Variants in GOSR1 observed in about 807,000 individuals in gnomAD.
GOSR1 encodes golgi SNAP receptor complex member 1, also known as 28 kDa Golgi SNARE protein.
In GOSR1, 21 loss-of-function variants were observed where a neutral mutation model predicts 35.5. The ratio of observed to expected loss-of-function variants is 0.59; its 90% CI spans 0.42 to 0.85. GOSR1 has a LOEUF of 0.85. Ranked by LOEUF, GOSR1 falls within the 40% of genes least tolerant of loss-of-function variation. The pLI, the probability that GOSR1 is intolerant of heterozygous loss-of-function variation, is 0.00. For missense variants in GOSR1, 285 were observed against 309.6 expected, an observed-to-expected ratio of 0.92 and a Z score of 0.60; for synonymous variants, 94 against 106.6, an observed-to-expected ratio of 0.88 and a Z score of 0.73.
chr17:30,480,388 A>G (rs1914257315), intron 1 of GOSR1, among the ~76,000 whole-genome samples: 1 of 152,226 alleles, frequency 6.6e-6, no homozygotes, highest in South Asian at 2.1e-4. Flanking sequence ...GCTTTGGAAC[A>G]TAAAAAGCAA....
At chr17:30,484,936 C>T (rs1448999715) in intron 4 of GOSR1, 166 bp downstream of exon 4, 1 of 651,106 alleles carries the variant, frequency 1.5e-6, no homozygotes, top group East Asian at 2.9e-5. Flanking sequence ...TTTGGGGTCA[C>T]CATTATAAAA....
At chr17:30,492,448 G>A (rs554907396) in intron 5 of GOSR1, among the ~76,000 whole-genome samples, 2 of 152,328 alleles carry the variant, frequency 1.3e-5, no homozygotes, top group African/African-American at 4.8e-5. Flanking sequence ...AGTTATTTTG[G>A]TGAAAAACAG....
Position 30,484,842 on chromosome 17 carries a change from G to A in GOSR1, c.342+72G>A, listed in dbSNP as rs748522148. ...TTTTTTTTTTTTTAATCCCTGCATTGGATATGTGCACATATATTTAAAAGG... is the reference window on the plus strand; with the variant it reads ...TTTTTTTTTTTTTAATCCCTGCATTAGATATGTGCACATATATTTAAAAGG... On this transcript the variant is annotated intron_variant, in intron 4 of 8. Coordinates refer to ENST00000451249, the MANE Select transcript of GOSR1 (RefSeq NM_001007025.2). 40 of 788,154 alleles carry A rather than the reference G, an allele frequency of 5.1e-5. No homozygotes were observed. The East Asian group carries it at 9.8e-4, about 19-fold the overall frequency. 48.8% of individuals were successfully genotyped at this position (788,154 alleles called of 1,614,324 possible). A position where few individuals can be genotyped will look rare whatever the true frequency, so the allele number is the denominator to read the frequency against.
At chr17:30,508,754 C>T (rs1439819552) in intron 6 of GOSR1, among the ~76,000 whole-genome samples, 1 of 152,094 alleles carries the variant, frequency 6.6e-6, no homozygotes, top group Non-Finnish European at 1.5e-5. Context: ...TTACTGTGTG[C>T]CAGGTACTGA....
intron 5 of GOSR1, chr17:30,490,489 G>A (rs1401142007): frequency 7.8e-6 from 2 of 258,060 alleles, no homozygotes; most frequent in East Asian, 7.9e-5. Flanking sequence ...GGTTCTTCAT[G>A]GTTCTCTGAT....
Position 30,492,697 on chromosome 17 carries a change from TGGAG to T in GOSR1, c.454_457del (p.Gly152Ter). On this transcript the variant is annotated frameshift_variant, in exon 6 of 9. Transcript: ENST00000451249. LOFTEE classifies it high-confidence loss of function. ...GTCCCAGGTCATATAAAAGTGGGTC[TGGAG>T]TAAACAACAGAAGAACTGAGCTATT... 6.3e-7 allele frequency: 1 copy of T among 1,598,826 alleles called. No homozygotes were observed. The highest frequency in any genetic ancestry group is 8.6e-7 in the Non-Finnish European group (1 of 1,166,966).
Position 30,484,218 on chromosome 17 carries a change from G to C in GOSR1, c.151G>C (p.Asp51His). The C allele has an allele frequency of 1.3e-6, 2 of 1,578,364 alleles. No individual in the cohort carries two copies. Among genetic ancestry groups the C allele is most frequent in the South Asian group, 2.2e-5 (2 of 90,298 alleles). The change falls in exon 3 of 9, where the codon GAT becomes CAT. Residue 51 changes from aspartate to histidine, a missense_variant. Asp to His is a moderately conservative substitution (Grantham distance 81). Transcript: ENST00000451249. ...STRDGRRDSS[D>H]TTPLLNGSSQ... ...TTTAACTGAACTTCTTTTTAGTTCT[G>C]ATACAACACCCCTTTTAAATGGATC... is the stretch of plus-strand genomic sequence containing the variant.
intron 6 of GOSR1, 75 bp downstream of exon 6, chr17:30,492,828 A>C (rs1435351637): frequency 1.1e-6 from 1 of 869,600 alleles, no homozygotes; most frequent in African/African-American, 1.7e-5. Context: ...CCAACATTTT[A>C]TGATGTTTAT....
At chr17:30,483,802 A>G (rs112466768) in intron 2 of GOSR1, among the ~76,000 whole-genome samples, 11 of 152,370 alleles carry the variant, frequency 7.2e-5, no homozygotes, top group African/African-American at 2.4e-4. Context: ...ATTTTTGACT[A>G]TTCAGATTTG....
chr17:30,494,370 A>C (rs1966912717), intron 6 of GOSR1, among the ~76,000 whole-genome samples: 1 of 152,258 alleles, frequency 6.6e-6, no homozygotes, highest in South Asian at 2.1e-4. Flanking sequence ...TCTTTCCCTG[A>C]GTCTGTCAGT....
chr17:30,511,260 C>T (rs1333821554), intron 7 of GOSR1, among the ~76,000 whole-genome samples: 5 of 152,172 alleles, frequency 3.3e-5, no homozygotes, highest in Non-Finnish European at 7.4e-5. Flanking sequence ...TTCATATAGA[C>T]TTTGCTGTTA....
At chr17:30,491,385 G>A (rs1200491179) in intron 5 of GOSR1, among the ~76,000 whole-genome samples, 4 of 152,214 alleles carry the variant, frequency 2.6e-5, no homozygotes, top group Admixed American at 6.5e-5. Flanking sequence ...CCGGCCAGGC[G>A]TGGTGGCTCC....
chr17:30,524,559 G>A lies in GOSR1; in HGVS notation c.*2181G>A, dbSNP rs771355378. The A allele has an allele frequency of 1.3e-5, 2 of 151,290 alleles. No individual in the cohort carries two copies. Among genetic ancestry groups the A allele is most frequent in the Non-Finnish European group, 1.5e-5 (1 of 67,870 alleles). The allele number at this position is 151,290 out of a possible 1,614,324, so 9.4% of individuals were successfully genotyped here. A position where few individuals can be genotyped will look rare whatever the true frequency, so the allele number is the denominator to read the frequency against. Reference sequence around the variant, plus strand: ...CCATTTTTTTTTTAATTCTTCCCTTGGATTAATATTTTCTACTGAAAAGAA... The same window carrying A: ...CCATTTTTTTTTTAATTCTTCCCTTAGATTAATATTTTCTACTGAAAAGAA... On this transcript the variant is annotated 3_prime_UTR_variant, in exon 9 of 9. Coordinates refer to ENST00000451249, the MANE Select transcript of GOSR1 (RefSeq NM_001007025.2).
chr17:30,487,938 G>A (rs910395346), intron 4 of GOSR1, among the ~76,000 whole-genome samples: 1 of 151,912 alleles, frequency 6.6e-6, no homozygotes, highest in African/African-American at 2.4e-5. Flanking sequence ...ACCACGCCCA[G>A]CTAATTTTTG....
chr17:30,521,863 G>A (rs1051013634), intron 8 of GOSR1, among the ~76,000 whole-genome samples: 1 of 152,158 alleles, frequency 6.6e-6, no homozygotes, highest in Non-Finnish European at 1.5e-5. Context: ...GAAATGGGTG[G>A]TGGTGGCGAT....
At chr17:30,497,128 C>CCTGTAAAGCCTGTAATCTCCG (rs1290050120) in intron 6 of GOSR1, among the ~76,000 whole-genome samples, 1 of 152,088 alleles carries the variant, frequency 6.6e-6, no homozygotes, top group Admixed American at 6.5e-5. Context: ...TTGGCTCATG[C>CCTGTAAAGCCTGTAATCTCCG]CTGTAAAGCC....
chr17:30,501,480 C>A (rs200701947), intron 6 of GOSR1, among the ~76,000 whole-genome samples: 11 of 151,788 alleles, frequency 7.2e-5, no homozygotes, highest in African/African-American at 2.4e-4. Context: ...AAGACACTTA[C>A]GCAGTTTTGT....
chr17:30,507,936 G>A (rs1967466688), intron 6 of GOSR1, among the ~76,000 whole-genome samples: 1 of 152,188 alleles, frequency 6.6e-6, no homozygotes, highest in African/African-American at 2.4e-5. Flanking sequence ...TAGAAACTTA[G>A]TTGATAAAGC....
Position 30,485,191 on chromosome 17 carries a change from G to A in GOSR1, c.342+421G>A, listed in dbSNP as rs140069450. 1.8e-3 allele frequency: 394 copies of A among 214,780 alleles called. 1 individual carries two copies. Among genetic ancestry groups the A allele is most frequent in the African/African-American group, 8.7e-3 (377 of 43,186 alleles). 13.3% of individuals were successfully genotyped at this position (214,780 alleles called of 1,614,324 possible). A position where few individuals can be genotyped will look rare whatever the true frequency, so the allele number is the denominator to read the frequency against. On this transcript the variant is annotated intron_variant, in intron 4 of 8. Transcript: ENST00000451249. ...GTTTAAGAAAACAGTAAATGTGTATGCACCAATAAAACTAAATAAACTTTT... is the reference window on the plus strand; with the variant it reads ...GTTTAAGAAAACAGTAAATGTGTATACACCAATAAAACTAAATAAACTTTT...
Sources: allele counts gnomAD v4.1 joint callset (sites outside exome capture counted in the v4.1 genomes callset), GRCh38; gene constraint gnomAD v4.1.1; transcripts MANE v1.5; gene names NCBI Gene and HGNC (gene_info 2026-07-23, HGNC 2026-07-21).